Variants in EML1 observed in about 807,000 individuals in gnomAD.
EML1 encodes the protein EMAP like 1, also known as echinoderm microtubule-associated protein-like 1.
In EML1, 27 loss-of-function variants were observed where a neutral mutation model predicts 110.4. The ratio of observed to expected loss-of-function variants is 0.24; its 90% CI spans 0.18 to 0.34. The LOEUF (loss-of-function observed/expected upper bound fraction) is 0.34, where lower values mean the gene tolerates loss of function less well. Among genes scored for constraint, EML1 ranks in the 10% least tolerant of loss-of-function variants. EML1 has a pLI of 1.00. For synonymous variants in EML1, 344 were observed against 385.8 expected, an observed-to-expected ratio of 0.89 and a Z score of 1.27; for missense variants, 741 against 1,030.9, an observed-to-expected ratio of 0.72 and a Z score of 3.85.
At chr14:99,829,967 C>T (rs79092592) in intron 1 of EML1, among the ~76,000 whole-genome samples, 7,185 of 152,202 alleles carry the variant, frequency 0.047, 572 homozygotes, top group African/African-American at 0.16. Flanking sequence ...CTTTGAAATA[C>T]CTGTTCAAGC....
At position 99,784,532 on chromosome 14, in the gene EML1, T is replaced by G. The variant is rs1203840110; in HGVS notation, c.-27+10519T>G. ...TGGGTAAATAGCCTACTGGGTTTCT[T>G]AGATAATAGAGTTGTCATATCCATT... is the stretch of plus-strand genomic sequence containing the variant. On this transcript the variant is annotated intron_variant, in intron 1 of 22. Transcript: ENST00000327921. The surrounding 1 kb of genome is among the most constrained non-coding windows in gnomAD (Gnocchi z 4.5). Among the ~76,000 whole-genome samples, 1 of 152,258 alleles carries G rather than the reference T, an allele frequency of 6.6e-6. No individual in the cohort carries two copies. The highest frequency in any genetic ancestry group is 1.5e-5 in the Non-Finnish European group (1 of 68,050).
At chr14:99,898,115 A>G (rs1044272166) in intron 7 of EML1, 118 bp from the exon 8 acceptor site, 20 of 726,302 alleles carry the variant, frequency 2.8e-5, no homozygotes, top group African/African-American at 3.6e-5. Context: ...ATGAGTCTGT[A>G]AGAAGTTAGG....
At chr14:99,923,963 A>T (rs115784577) in intron 17 of EML1, among the ~76,000 whole-genome samples, 1 of 152,208 alleles carries the variant, frequency 6.6e-6, no homozygotes, top group Admixed American at 6.5e-5. Flanking sequence ...CAGCTCGTCA[A>T]TTTCTAACTT....
At chr14:99,763,064 T>C (rs2057331118) in intron 1 of EML1, among the ~76,000 whole-genome samples, 1 of 152,112 alleles carries the variant, frequency 6.6e-6, no homozygotes, top group African/African-American at 2.4e-5. Flanking sequence ...CTCATCATAG[T>C]AAGTATCACG....
chr14:99,755,142 T>C (rs11844271), intron 1 of EML1, among the ~76,000 whole-genome samples: 13,343 of 152,292 alleles, frequency 0.088, 984 homozygotes, highest in African/African-American at 0.2. Flanking sequence ...CTGGGGCCTC[T>C]GGGCCCAATC....
At chr14:99,875,174 A>G (rs1233187346) in intron 3 of EML1, among the ~76,000 whole-genome samples, 1 of 152,202 alleles carries the variant, frequency 6.6e-6, no homozygotes, top group Non-Finnish European at 1.5e-5. Context: ...CCAAAACAGT[A>G]TACTTTGGCG....
intron 1 of EML1, among the ~76,000 whole-genome samples, chr14:99,804,498 T>A (rs959955822): frequency 6.6e-6 from 1 of 152,210 alleles, no homozygotes; most frequent in Non-Finnish European, 1.5e-5. Flanking sequence ...TTGAGTAACT[T>A]GTTCAAGATT....
At chr14:99,923,761 C>T (rs1421499796) in intron 17 of EML1, among the ~76,000 whole-genome samples, 1 of 152,108 alleles carries the variant, frequency 6.6e-6, no homozygotes, top group Non-Finnish European at 1.5e-5. Context: ...TAGGTTCCTA[C>T]TATATGTAAA....
rs560444776 is a variant in EML1 at position 99,831,372 on chromosome 14, C to T, written c.68-19481C>T. 2.9e-4 allele frequency among the ~76,000 whole-genome samples: 44 copies of T among 152,214 alleles called. 1 individual carries two copies. Among genetic ancestry groups the T allele is most frequent in the African/African-American group, 5.3e-4 (22 of 41,528 alleles). On this transcript the variant is annotated intron_variant, in intron 1 of 21. Coordinates refer to ENST00000262233, the MANE Select transcript of EML1 (RefSeq NM_004434.3). ...GGAGAGTGCAGCTGCTCCAGGGACC[C>T]GGGACAGGTACCCTGGAAAGGCATG...
At chr14:99,760,380 A>G (rs999265714) in intron 1 of EML1, among the ~76,000 whole-genome samples, 2 of 152,124 alleles carry the variant, frequency 1.3e-5, no homozygotes, top group African/African-American at 2.4e-5. Context: ...TTATGTCACA[A>G]GCATTTCCCA....
intron 1 of EML1, among the ~76,000 whole-genome samples, chr14:99,743,100 C>A (rs1243411061): frequency 6.6e-6 from 1 of 152,242 alleles, no homozygotes; most frequent in African/African-American, 2.4e-5. Flanking sequence ...AGGTTCACAC[C>A]GCACTCCCAA....
intron 2 of EML1, among the ~76,000 whole-genome samples, chr14:99,859,072 A>C (rs750382667): frequency 2.6e-4 from 40 of 152,232 alleles, no homozygotes; most frequent in Admixed American, 6.5e-5. Context: ...AGATTTATTC[A>C]TATCAACTGT....
At chr14:99,838,629 G>GT (rs564626879) in intron 1 of EML1, among the ~76,000 whole-genome samples, 8,646 of 147,554 alleles carry the variant, frequency 0.059, 846 homozygotes, top group African/African-American at 0.2. Context: ...AAAAGCTGTA[G>GT]TTTTTTTTTT....
At chr14:99,869,643 T>C (rs1226216621) in intron 3 of EML1, among the ~76,000 whole-genome samples, 1 of 152,206 alleles carries the variant, frequency 6.6e-6, no homozygotes, top group Non-Finnish European at 1.5e-5. Context: ...GTGGTTTAGA[T>C]GTTTGTCTCC....
At chr14:99,851,157 C>T (rs2058792118) in intron 2 of EML1, 122 bp downstream of exon 2, 2 of 1,103,112 alleles carry the variant, frequency 1.8e-6, no homozygotes, top group African/African-American at 1.6e-5. Flanking sequence ...AACAATAAAA[C>T]AGTCTTAGCA....
At chr14:99,772,661 T>C (rs1268076707), upstream of EML1, among the ~76,000 whole-genome samples, 1 of 152,258 alleles carries the variant, frequency 6.6e-6, no homozygotes, top group East Asian at 1.9e-4. Flanking sequence ...TTTAGGACTT[T>C]TATTGCTTCA....
chr14:99,839,133 A>G (rs368788225), intron 1 of EML1: 3 of 152,170 alleles, frequency 2.0e-5, no homozygotes, highest in Admixed American at 6.5e-5. Flanking sequence ...CTTTTTACAG[A>G]TGATTGTTCT....
chr14:99,855,722 T>C (rs1419776615), intron 2 of EML1, among the ~76,000 whole-genome samples: 1 of 152,234 alleles, frequency 6.6e-6, no homozygotes, highest in Non-Finnish European at 1.5e-5. Context: ...ACTTTTACAA[T>C]CAGTTATACC....
intron 1 of EML1, among the ~76,000 whole-genome samples, chr14:99,782,925 T>C (rs555498373): frequency 6.6e-6 from 1 of 152,300 alleles, no homozygotes; most frequent in South Asian, 2.1e-4. Flanking sequence ...ATTTGAAGCA[T>C]AACCTGTATC....
Sources: allele counts gnomAD v4.1 joint callset (sites outside exome capture counted in the v4.1 genomes callset), GRCh38; gene constraint gnomAD v4.1.1; non-coding constraint Gnocchi (gnomAD v3.1); transcripts MANE v1.5; gene names NCBI Gene and HGNC (gene_info 2026-07-23, HGNC 2026-07-21).